The following PACSIN1 variants were observed in gnomAD, a reference collection of about 807,000 sequenced individuals.
The protein encoded by PACSIN1 is protein kinase C and casein kinase substrate in neurons protein 1.
Under a neutral mutation model 59.5 loss-of-function variants are expected in PACSIN1, and 15 were observed. The ratio of observed to expected loss-of-function variants is 0.25; its 90% CI spans 0.17 to 0.39. PACSIN1 has a LOEUF of 0.39. Ranked by LOEUF, PACSIN1 falls within the 10% of genes least tolerant of loss-of-function variation. The pLI is 1.00. For synonymous variants in PACSIN1, 210 were observed against 220.6 expected (o/e 0.95, Z 0.42); for missense variants, 420 against 580.2 (o/e 0.72, Z 2.84).
rs1767627825 is a variant in PACSIN1 at position 34,532,894 on chromosome 6, G to T, written c.*364G>T. ...CCGTCCCACTCCACTCCAGGCTGCC[G>T]GCACCTGCCCCATTCCCTGGCCTGG... On this transcript the variant is annotated 3_prime_UTR_variant, in exon 10 of 10. Transcript: ENST00000244458. The surrounding 1 kb of genome is among the most constrained non-coding windows in gnomAD (Gnocchi z 5.2). The T allele has an allele frequency of 5.5e-6, 1 of 180,872 alleles. No homozygotes were observed. The highest frequency in any genetic ancestry group is 1.2e-5 in the Non-Finnish European group (1 of 86,412). 11.2% of individuals were successfully genotyped at this position (180,872 alleles called of 1,614,324 possible).
At position 34,515,698 on chromosome 6, in the gene PACSIN1, T is replaced by A. The variant is rs1287032419; in HGVS notation, c.-63-10545T>A. ...TCCCAGATCTCCCAAAGGACCCCCA[T>A]GCCCATCCCCAGCAAGCCCAGGGTC... On this transcript the variant is annotated intron_variant, in intron 1 of 9. Coordinates refer to ENST00000244458, the MANE Select transcript of PACSIN1 (RefSeq NM_020804.5). The surrounding 1 kb of genome is among the most constrained non-coding windows in gnomAD (Gnocchi z 4.4). Among the ~76,000 whole-genome samples, 1 of 152,128 alleles carries A rather than the reference T, an allele frequency of 6.6e-6. No homozygotes were observed. The highest frequency in any genetic ancestry group is 1.5e-5 in the Non-Finnish European group (1 of 68,008).
Position 34,488,839 on chromosome 6 carries a change from C to T in PACSIN1, c.-64+22569C>T, listed in dbSNP as rs1225358302. Reference sequence around the variant, plus strand: ...CCTCCCAAAATGCTGGGATTACAGGCGTGAGCCACCTCACCCGGCCTATTA... The same window carrying T: ...CCTCCCAAAATGCTGGGATTACAGGTGTGAGCCACCTCACCCGGCCTATTA... On this transcript the variant is annotated intron_variant, in intron 1 of 9. Coordinates refer to ENST00000244458, the MANE Select transcript of PACSIN1 (RefSeq NM_020804.5). This position sits in a 1 kb window ranked among gnomAD's most constrained non-coding sequence, Gnocchi z 4.7. 1.3e-5 allele frequency among the ~76,000 whole-genome samples: 2 copies of T among 152,120 alleles called. No homozygotes were observed. Among genetic ancestry groups the T allele is most frequent in the Admixed American group, 6.5e-5 (1 of 15,270 alleles).
rs537900317 is a variant in PACSIN1, at chr6:34,466,860, A to T, written c.-64+590A>T. Among the ~76,000 whole-genome samples, 20 of 152,308 alleles carry T rather than the reference A, an allele frequency of 1.3e-4. 1 individual carries two copies. The South Asian group carries it at 3.5e-3, about 27-fold the overall frequency. ...GCTGCTGGGCACTGCCCTCCCCTGCAAGCCCCAGGCCACTTGCTGCCTGTT... is the reference window on the plus strand; with the variant it reads ...GCTGCTGGGCACTGCCCTCCCCTGCTAGCCCCAGGCCACTTGCTGCCTGTT... On this transcript the variant is annotated intron_variant, in intron 1 of 9. Transcript: ENST00000244458.
intron 1 of PACSIN1, among the ~76,000 whole-genome samples, chr6:34,519,107 G>GGGA (rs1358026321): frequency 6.6e-6 from 1 of 152,138 alleles, no homozygotes; most frequent in Non-Finnish European, 1.5e-5. Context: ...GAGTGGGCTA[G>GGGA]GGAGGAGGAG....
chr6:34,498,796 CAAAAAAAAAAA>C (rs1228510694), intron 1 of PACSIN1, among the ~76,000 whole-genome samples: 1 of 95,632 alleles, frequency 1.0e-5, no homozygotes, highest in African/African-American at 4.0e-5. Context: ...GACTTTGTCT[CAAAAAAAAAAA>C]AAAAAAAAAA....
chr6:34,494,594 C>A (rs891005546), intron 1 of PACSIN1, among the ~76,000 whole-genome samples: 3 of 151,236 alleles, frequency 2.0e-5, no homozygotes, highest in Admixed American at 6.6e-5. Context: ...AGTTGTGCAC[C>A]CCCCATGCCT....
At chr6:34,512,755 G>T (rs1401665973) in intron 1 of PACSIN1, among the ~76,000 whole-genome samples, 1 of 152,254 alleles carries the variant, frequency 6.6e-6, no homozygotes, top group South Asian at 2.1e-4. Context: ...GGATAGAAGC[G>T]AACTTGACTA....
In PACSIN1 at chr6:34,516,097, G is replaced by A. The variant is rs138467747; in HGVS notation, c.-63-10146G>A. Among the ~76,000 whole-genome samples, 5 of 152,268 alleles carry A rather than the reference G, an allele frequency of 3.3e-5. No homozygotes were observed. Among genetic ancestry groups the A allele is most frequent in the African/African-American group, 4.8e-5 (2 of 41,544 alleles). ...AAGGTTGATGTGTGCAACTATGGGC[G>A]TGCTTAAGGTCCTGCCCTTCTCCAC... On this transcript the variant is annotated intron_variant, in intron 1 of 9. Transcript: ENST00000244458. This position sits in a 1 kb window ranked among gnomAD's most constrained non-coding sequence, Gnocchi z 5.4.
At chr6:34,523,356 A>G (rs758652626) in intron 1 of PACSIN1, among the ~76,000 whole-genome samples, 1 of 152,256 alleles carries the variant, frequency 6.6e-6, no homozygotes, top group Non-Finnish European at 1.5e-5. Flanking sequence ...TACCTGGACA[A>G]GCTCTGTCCC....
At chr6:34,495,335 T>C (rs1426019290) in intron 1 of PACSIN1, among the ~76,000 whole-genome samples, 1 of 152,182 alleles carries the variant, frequency 6.6e-6, no homozygotes, top group Non-Finnish European at 1.5e-5. Context: ...TTCCCATATA[T>C]GGGCTAATGA....
chr6:34,490,050 T>C (rs956356274), intron 1 of PACSIN1, among the ~76,000 whole-genome samples: 4 of 151,148 alleles, frequency 2.6e-5, no homozygotes, highest in Non-Finnish European at 5.9e-5. Context: ...ACCCCCATCA[T>C]GAAGCCTTGG....
chr6:34,489,461 C>A (rs1008974196), intron 1 of PACSIN1, among the ~76,000 whole-genome samples: 14 of 152,076 alleles, frequency 9.2e-5, no homozygotes, highest in African/African-American at 3.4e-4. Context: ...TGGTGAGACC[C>A]GCAGGCCTCC....
chr6:34,503,429 C>T (rs867553784), intron 1 of PACSIN1, among the ~76,000 whole-genome samples: 2 of 152,146 alleles, frequency 1.3e-5, no homozygotes, highest in East Asian at 1.9e-4. Context: ...CTTTGTGAAT[C>T]GGAAACACCA....
In PACSIN1 at chr6:34,521,575, G is replaced by A. The variant is rs1468985055; in HGVS notation, c.-63-4668G>A. Among the ~76,000 whole-genome samples, 3 of 152,176 alleles carry A rather than the reference G, an allele frequency of 2.0e-5. No individual in the cohort carries two copies. Among genetic ancestry groups the A allele is most frequent in the Non-Finnish European group, 4.4e-5 (3 of 68,026 alleles). ...CATCTCACTGGTAGTAGTTGGGTGA[G>A]CTGGCTCCAGAGCCCTGCACCCCCC... On this transcript the variant is annotated intron_variant, in intron 1 of 9. Coordinates refer to ENST00000244458, the MANE Select transcript of PACSIN1 (RefSeq NM_020804.5). This position sits in a 1 kb window ranked among gnomAD's most constrained non-coding sequence, Gnocchi z 4.3.
At chr6:34,504,218 T>A (rs1412425629) in intron 1 of PACSIN1, among the ~76,000 whole-genome samples, 1 of 151,278 alleles carries the variant, frequency 6.6e-6, no homozygotes, top group Non-Finnish European at 1.5e-5. Flanking sequence ...TTCCTCTGCA[T>A]GTTTTGAGAA....
intron 1 of PACSIN1, among the ~76,000 whole-genome samples, chr6:34,494,264 T>A (rs1355961944): frequency 6.6e-6 from 1 of 152,196 alleles, no homozygotes; most frequent in Admixed American, 6.5e-5. Context: ...CTTTGTTTCA[T>A]GGTATGCCCC....
chr6:34,499,520 C>T (rs1004724101), intron 1 of PACSIN1, among the ~76,000 whole-genome samples: 3 of 151,726 alleles, frequency 2.0e-5, no homozygotes, highest in South Asian at 2.1e-4. Flanking sequence ...CAGGCTAGAC[C>T]CAGTGGCTCA....
intron 1 of PACSIN1, among the ~76,000 whole-genome samples, chr6:34,509,506 G>A (rs1406776954): frequency 6.6e-6 from 1 of 152,132 alleles, no homozygotes; most frequent in African/African-American, 2.4e-5. Flanking sequence ...GAAGTATGGG[G>A]CCTCCAGCTT....
rs73746668 is a variant in PACSIN1, at chr6:34,515,721, G to A, written c.-63-10522G>A. Among the ~76,000 whole-genome samples the A allele has an allele frequency of 6.6e-6, 1 of 152,174 alleles. No individual in the cohort carries two copies. Among genetic ancestry groups the A allele is most frequent in the Non-Finnish European group, 1.5e-5 (1 of 68,032 alleles). On this transcript the variant is annotated intron_variant, in intron 1 of 9. Coordinates refer to ENST00000244458, the MANE Select transcript of PACSIN1 (RefSeq NM_020804.5). The surrounding 1 kb of genome is among the most constrained non-coding windows in gnomAD (Gnocchi z 4.4). ...CATGCCCATCCCCAGCAAGCCCAGGGTCTCCAAGTTGGGGTACCAGGGAGC... is the reference window on the plus strand; with the variant it reads ...CATGCCCATCCCCAGCAAGCCCAGGATCTCCAAGTTGGGGTACCAGGGAGC...
Sources: allele counts gnomAD v4.1 joint callset (sites outside exome capture counted in the v4.1 genomes callset), GRCh38; gene constraint gnomAD v4.1.1; non-coding constraint Gnocchi (gnomAD v3.1); transcripts MANE v1.5; gene names NCBI Gene and HGNC (gene_info 2026-07-23, HGNC 2026-07-21).